LMBRD1: variants seen among roughly 807,000 people sequenced by gnomAD.
The protein encoded by LMBRD1 is lysosomal cobalamin transport escort protein LMBD1.
Under a neutral mutation model 74.8 loss-of-function variants are expected in LMBRD1, and 64 were observed. The ratio of observed to expected loss-of-function variants is 0.86; its 90% CI spans 0.70 to 1.05. The LOEUF (loss-of-function observed/expected upper bound fraction) is 1.05, where lower values mean the gene tolerates loss of function less well. Ranked by LOEUF, LMBRD1 falls within the 50% of genes least tolerant of loss-of-function variation. The probability of loss-of-function intolerance (pLI) is 0.00; values close to 1 mark genes in which losing one functional copy is unlikely to be tolerated. For synonymous variants in LMBRD1, 204 were observed against 216.3 expected, an observed-to-expected ratio of 0.94 and a Z score of 0.50; for missense variants, 652 against 645.9, an observed-to-expected ratio of 1.01 and a Z score of -0.10.
At chr6:69,717,728 C>T (rs1465792131) in intron 8 of LMBRD1, among the ~76,000 whole-genome samples, 1 of 152,136 alleles carries the variant, frequency 6.6e-6, no homozygotes, top group African/African-American at 2.4e-5. Context: ...GGGTCTTGCT[C>T]CATCATCCAG....
At chr6:69,705,164 A>G in intron 9 of LMBRD1, 2 of 493,832 alleles carry the variant, frequency 4.0e-6, no homozygotes, top group Non-Finnish European at 7.4e-6. Flanking sequence ...GAGCCTGGAC[A>G]ACATTTATCA....
intron 7 of LMBRD1, among the ~76,000 whole-genome samples, chr6:69,731,869 T>A (rs530821640): frequency 1.3e-5 from 2 of 152,258 alleles, no homozygotes; most frequent in South Asian, 4.1e-4. Context: ...AAAAGTGATA[T>A]AGAATTCTCA....
At chr6:69,758,971 T>A (rs763758545) in intron 3 of LMBRD1, among the ~76,000 whole-genome samples, 13 of 152,130 alleles carry the variant, frequency 8.5e-5, no homozygotes, top group Non-Finnish European at 1.8e-4. Context: ...CCATCTGATA[T>A]GGTAACTATT....
At chr6:69,688,074 A>G (rs1270265112) in intron 14 of LMBRD1, among the ~76,000 whole-genome samples, 2 of 152,100 alleles carry the variant, frequency 1.3e-5, no homozygotes, top group Admixed American at 6.5e-5. Flanking sequence ...AGGGACTACC[A>G]TTAGGCTCAC....
intron 7 of LMBRD1, among the ~76,000 whole-genome samples, chr6:69,734,778 CA>C (rs1204236313): frequency 6.6e-6 from 1 of 152,152 alleles, no homozygotes; most frequent in Non-Finnish European, 1.5e-5. Flanking sequence ...AGAACATCAC[CA>C]AACTTCTAAA....
rs184595325 is a variant in LMBRD1 at position 69,794,913 on chromosome 6, G to A, written c.69+1900C>T. Among the ~76,000 whole-genome samples the A allele has an allele frequency of 3.6e-4, 55 of 152,314 alleles. 1 individual carries two copies. The highest frequency in any genetic ancestry group is 3.1e-3 in the Admixed American group (47 of 15,296). On this transcript the variant is annotated intron_variant, in intron 1 of 15. Transcript: ENST00000649934. Reference sequence around the variant, plus strand: ...GCAAGATGGGCTAATGGATTTTAATGTAACAATGAATGAAATGCTCATTGA... The same window carrying A: ...GCAAGATGGGCTAATGGATTTTAATATAACAATGAATGAAATGCTCATTGA...
At chr6:69,709,824 A>T (rs1174361773) in intron 9 of LMBRD1, among the ~76,000 whole-genome samples, 2 of 152,180 alleles carry the variant, frequency 1.3e-5, no homozygotes, top group African/African-American at 4.8e-5. Context: ...CTTAGAGGTA[A>T]ATTTATCAAG....
chr6:69,773,844 C>T (rs1036706996), intron 3 of LMBRD1, among the ~76,000 whole-genome samples: 11 of 152,118 alleles, frequency 7.2e-5, no homozygotes, highest in Non-Finnish European at 1.0e-4. Context: ...GGATAAACTA[C>T]GGTATGTTAA....
intron 5 of LMBRD1, among the ~76,000 whole-genome samples, chr6:69,747,148 A>C (rs1391673481): frequency 6.6e-6 from 1 of 152,072 alleles, no homozygotes; most frequent in Admixed American, 6.6e-5. Flanking sequence ...CAAGGGAATT[A>C]GTGTTAAATG....
chr6:69,760,754 G>C (rs1168628059), intron 3 of LMBRD1, among the ~76,000 whole-genome samples: 1 of 152,088 alleles, frequency 6.6e-6, no homozygotes, highest in African/African-American at 2.4e-5. Context: ...AAAAAGACTG[G>C]CTTCCATCTT....
chr6:69,681,344 T>G (rs1412573570), intron 14 of LMBRD1, among the ~76,000 whole-genome samples: 1 of 152,032 alleles, frequency 6.6e-6, no homozygotes, highest in African/African-American at 2.4e-5. Flanking sequence ...GTACACCATT[T>G]TTTTTGTAAT....
chr6:69,729,539 CAAG>C (rs1766810358), intron 7 of LMBRD1, among the ~76,000 whole-genome samples: 1 of 151,682 alleles, frequency 6.6e-6, no homozygotes. Flanking sequence ...ATAATTTCTC[CAAG>C]AAGATAATAA....
chr6:69,790,585 G>A, intron 1 of LMBRD1, 113 bp from the exon 2 acceptor site: 1 of 1,053,798 alleles, frequency 9.5e-7, no homozygotes, highest in South Asian at 1.3e-5. Context: ...GGTTATTTTA[G>A]TTGTGTAAGG....
In LMBRD1 at chr6:69,701,555, AT is replaced by A; in HGVS notation, c.981-11del. 6.7e-7 allele frequency: 1 copy of A among 1,491,450 alleles called. No individual in the cohort carries two copies. The highest frequency in any genetic ancestry group is 9.3e-7 in the Non-Finnish European group (1 of 1,075,134). The allele number at this position is 1,491,450 out of a possible 1,614,324, so 92.4% of individuals were successfully genotyped here. A position where few individuals can be genotyped will look rare whatever the true frequency, so the allele number is the denominator to read the frequency against. ...AAGAGCTTTATCTAAACTAAAAAAA[AT>A]TACAAAGAATGAAATTTATGTTATA... On this transcript the variant is annotated splice_polypyrimidine_tract_variant and intron_variant, in intron 10 of 15. Coordinates refer to ENST00000649934, the MANE Select transcript of LMBRD1 (RefSeq NM_018368.4).
At position 69,746,901 on chromosome 6, in the gene LMBRD1, C is replaced by T. The variant is rs1767245799; in HGVS notation, c.473+2440G>A. On this transcript the variant is annotated intron_variant, in intron 5 of 15. Coordinates refer to ENST00000649934, the MANE Select transcript of LMBRD1 (RefSeq NM_018368.4). Reference sequence around the variant, plus strand: ...CAAGAGCACAACAGGGAGAGAGAGGCCCTCAGCTGCTGGGGAGTCCCTGAC... The same window carrying T: ...CAAGAGCACAACAGGGAGAGAGAGGTCCTCAGCTGCTGGGGAGTCCCTGAC... 3 of 152,588 alleles carry T rather than the reference C, an allele frequency of 2.0e-5. No individual in the cohort carries two copies. The South Asian group carries it at 6.1e-4, about 31-fold the overall frequency. The allele number at this position is 152,588 out of a possible 1,614,324, so 9.5% of individuals were successfully genotyped here. A position where few individuals can be genotyped will look rare whatever the true frequency, so the allele number is the denominator to read the frequency against.
intron 5 of LMBRD1, among the ~76,000 whole-genome samples, chr6:69,747,190 T>C (rs1767255199): frequency 2.0e-5 from 3 of 152,118 alleles, no homozygotes. Flanking sequence ...AATCATCCCA[T>C]GGCATTGGTG....
chr6:69,711,702 AT>A (rs1386893463), intron 9 of LMBRD1, among the ~76,000 whole-genome samples: 1 of 152,144 alleles, frequency 6.6e-6, no homozygotes, highest in Non-Finnish European at 1.5e-5. Context: ...ATTTTTAAAA[AT>A]CTCTTTCAAA....
At chr6:69,752,136 G>C in intron 4 of LMBRD1, 123 bp downstream of exon 4, 1 of 848,210 alleles carries the variant, frequency 1.2e-6, no homozygotes, top group Non-Finnish European at 1.8e-6. Context: ...TTTTAATTTA[G>C]CTAACATTGT....
At position 69,692,472 on chromosome 6, in the gene LMBRD1, T is replaced by A. The variant is rs115472153; in HGVS notation, c.1417+5091A>T. On this transcript the variant is annotated intron_variant, in intron 14 of 15. Transcript: ENST00000649934. Reference sequence around the variant, plus strand: ...AGGGCAGCAGAAATAAAAATTTAGGTTAATGAATTTTTATAAATGATCATT... The same window carrying A: ...AGGGCAGCAGAAATAAAAATTTAGGATAATGAATTTTTATAAATGATCATT... Among the ~76,000 whole-genome samples the A allele has an allele frequency of 4.2e-3, 643 of 152,264 alleles. 6 individuals are homozygous for A. Among genetic ancestry groups the A allele is most frequent in the African/African-American group, 0.015 (608 of 41,552 alleles).
Sources: allele counts gnomAD v4.1 joint callset (sites outside exome capture counted in the v4.1 genomes callset), GRCh38; gene constraint gnomAD v4.1.1; transcripts MANE v1.5; gene names NCBI Gene and HGNC (gene_info 2026-07-23, HGNC 2026-07-21).